The following NEBL variants were observed in gnomAD, a reference collection of about 807,000 sequenced individuals.
NEBL encodes the protein LIM and SH3 protein 2.
NEBL carries 122 observed loss-of-function variants against 140.2 expected under a neutral mutation model. The ratio of observed to expected loss-of-function variants is 0.87; its 90% confidence interval spans 0.75 to 1.01. The LOEUF is 1.01. NEBL is among the 50% of genes least tolerant of loss of function. The pLI is 0.00. For synonymous variants in NEBL, 436 were observed against 398.9 expected (o/e 1.09, Z -1.11); for missense variants, 1,365 against 1,231.3 (o/e 1.11, Z -1.62).
intron 2 of NEBL, among the ~76,000 whole-genome samples, chr10:21,154,840 G>C (rs905449228): frequency 6.6e-6 from 1 of 152,134 alleles, no homozygotes. Flanking sequence ...ACCTTTGTGG[G>C]TGTATAGTAG....
chr10:20,971,608 T>G (rs1299881527), intron 3 of NEBL, among the ~76,000 whole-genome samples: 2 of 73,672 alleles, frequency 2.7e-5, no homozygotes, highest in East Asian at 1.1e-3. Context: ...CCCCCAACCC[T>G]AGAATTTTTT....
chr10:21,213,953 T>C (rs7900067), intron 3 of NEBL, among the ~76,000 whole-genome samples: 39,546 of 152,004 alleles, frequency 0.26, 8,425 homozygotes, highest in African/African-American at 0.59. Flanking sequence ...CCTGGACTTT[T>C]ATGTAAGTAT....
intron 7 of NEBL, among the ~76,000 whole-genome samples, chr10:20,867,475 C>T (rs1844413701): frequency 6.6e-6 from 1 of 152,072 alleles, no homozygotes; most frequent in Non-Finnish European, 1.5e-5. Context: ...TGTTTGTTAA[C>T]ATTATTGTTG....
At chr10:21,175,233 A>C (rs1841271072), upstream of NEBL, among the ~76,000 whole-genome samples, 1 of 152,198 alleles carries the variant, frequency 6.6e-6, no homozygotes, top group Non-Finnish European at 1.5e-5. Context: ...TAGTCGCTCT[A>C]TGCCTCAATT....
chr10:20,958,095 C>T lies in NEBL; in HGVS notation c.357+3577G>A, dbSNP rs1835888232. The stretch of plus-strand genomic sequence containing the variant: ...TTGCTTGTAAACTTGAAGGTGGGAA[C>T]CACCTGAAATTAGAAAGAGCCTTTA... On this transcript the variant is annotated intron_variant, in intron 4 of 6. Coordinates refer to the NEBL transcript ENST00000417816. 3.3e-5 allele frequency among the ~76,000 whole-genome samples: 5 copies of T among 152,290 alleles called. No individual in the cohort carries two copies. In the South Asian group the frequency reaches 1.0e-3, roughly 32 times the overall value.
chr10:21,166,428 A>G (rs1020405234), intron 2 of NEBL, among the ~76,000 whole-genome samples: 1 of 152,078 alleles, frequency 6.6e-6, no homozygotes, highest in Non-Finnish European at 1.5e-5. Flanking sequence ...GTAGCAGCCC[A>G]TAGTGCGAAA....
Position 21,206,975 on chromosome 10 carries a change from T to C in NEBL, n.349-34498A>G, listed in dbSNP as rs954170937. On this transcript the variant is annotated intron_variant and non_coding_transcript_variant, in intron 3 of 8. Transcript: ENST00000675702. ...ATCATTTTCTTTTTCTTTCTTTTTT[T>C]TTTTTTTTTTTTTTTTTAGACAGAG... Among the ~76,000 whole-genome samples, 7 of 143,468 alleles carry C rather than the reference T, an allele frequency of 4.9e-5. No individual in the cohort carries two copies. In the South Asian group the frequency reaches 1.3e-3, roughly 27 times the overall value. 94.1% of individuals were successfully genotyped at this position (143,468 alleles called of 152,430 possible).
intron 4 of NEBL, among the ~76,000 whole-genome samples, chr10:20,957,982 T>A (rs1216420535): frequency 6.6e-6 from 1 of 152,172 alleles, no homozygotes; most frequent in African/African-American, 2.4e-5. Flanking sequence ...GAATGAAACA[T>A]CAGTAATTTT....
At chr10:21,002,155 G>A (rs1204814522) in intron 3 of NEBL, among the ~76,000 whole-genome samples, 1 of 151,782 alleles carries the variant, frequency 6.6e-6, no homozygotes, top group Non-Finnish European at 1.5e-5. Flanking sequence ...GATGTGGGAA[G>A]GAGGGAGGGT....
chr10:20,876,967 A>C (rs1166005364), intron 5 of NEBL, among the ~76,000 whole-genome samples: 1 of 152,210 alleles, frequency 6.6e-6, no homozygotes, highest in Non-Finnish European at 1.5e-5. Context: ...TGATTATAGT[A>C]TTAATAAGAT....
At chr10:21,198,403 C>G (rs567409459) in intron 3 of NEBL, among the ~76,000 whole-genome samples, 33 of 152,308 alleles carry the variant, frequency 2.2e-4, no homozygotes, top group African/African-American at 7.7e-4. Context: ...AAATCCCTCT[C>G]TGTGCCTCCT....
chr10:20,790,475 C>T (rs1266989978), intron 26 of NEBL, among the ~76,000 whole-genome samples: 1 of 151,524 alleles, frequency 6.6e-6, no homozygotes, highest in Non-Finnish European at 1.5e-5. Context: ...GGGGTGTGTG[C>T]CTGTAATCCC....
intron 3 of NEBL, among the ~76,000 whole-genome samples, chr10:21,235,418 G>A (rs949881421): frequency 1.3e-5 from 2 of 152,132 alleles, no homozygotes; most frequent in African/African-American, 4.8e-5. Flanking sequence ...GGGTTCAAGC[G>A]ATTCTCCTGC....
intron 3 of NEBL, among the ~76,000 whole-genome samples, chr10:21,018,863 A>G (rs1838665004): frequency 6.6e-6 from 1 of 152,142 alleles, no homozygotes. Context: ...CCCTGTCCCT[A>G]CTAAAAATAC....
chr10:20,826,414 TAGAAA>T, intron 18 of NEBL, 28 bp downstream of exon 18: 1 of 1,544,358 alleles, frequency 6.5e-7, no homozygotes, highest in Non-Finnish European at 8.9e-7. Flanking sequence ...GGTTTGCTTT[TAGAAA>T]AGATAATTAA....
chr10:21,185,248 T>C (rs1841445978), intron 3 of NEBL, among the ~76,000 whole-genome samples: 2 of 152,274 alleles, frequency 1.3e-5, no homozygotes, highest in South Asian at 2.1e-4. Context: ...CTACAGCCCT[T>C]GTTCTGGCTC....
At chr10:21,287,794 C>CA (rs1039354889) in intron 1 of NEBL, among the ~76,000 whole-genome samples, 3 of 151,676 alleles carry the variant, frequency 2.0e-5, no homozygotes, top group Non-Finnish European at 4.4e-5. Context: ...TCAACAACAA[C>CA]AAAAAAATTG....
intron 3 of NEBL, among the ~76,000 whole-genome samples, chr10:20,987,524 C>A (rs563975762): frequency 3.9e-5 from 6 of 152,298 alleles, no homozygotes; most frequent in Admixed American, 1.3e-4. Context: ...CCTTAACCCC[C>A]TCTCCCAAAC....
rs45448294 is a variant in NEBL, at chr10:21,118,744, G to A, written c.164+53639C>T. Among the ~76,000 whole-genome samples the A allele has an allele frequency of 4.1e-3, 621 of 152,158 alleles. 2 individuals carry two copies. Among genetic ancestry groups the A allele is most frequent in the African/African-American group, 0.014 (565 of 41,520 alleles). On this transcript the variant is annotated intron_variant, in intron 2 of 6. Transcript: ENST00000417816. ...TTCTTTTTCTAAATTACATATGTGC[G>A]AAATGAGTCTTAATAAAGCCACTGA...
Sources: gnomAD v4.1 joint callset for allele counts (sites outside exome capture counted in the v4.1 genomes callset) on GRCh38, gnomAD v4.1.1 for gene constraint, MANE v1.5 for transcripts, NCBI Gene and HGNC (gene_info 2026-07-23, HGNC 2026-07-21) for gene names.